Variants in SEMA4D observed in about 807,000 individuals in gnomAD.
The protein encoded by SEMA4D is semaphorin 4D.
Under a neutral mutation model 74.8 loss-of-function variants are expected in SEMA4D, and 22 were observed. That is an observed-to-expected ratio of 0.29 (90% confidence interval 0.21 to 0.42). The LOEUF (loss-of-function observed/expected upper bound fraction) is 0.42, where lower values mean the gene tolerates loss of function less well. SEMA4D is among the 10% of genes least tolerant of loss of function. The pLI, the probability that SEMA4D is intolerant of heterozygous loss-of-function variation, is 1.00. For synonymous variants in SEMA4D, 445 were observed against 463.7 expected (o/e 0.96, Z 0.52); for missense variants, 937 against 1,118.4 (o/e 0.84, Z 2.31).
chr9:89,433,599 C>A (rs1433237758), intron 2 of SEMA4D, among the ~76,000 whole-genome samples: 1 of 152,196 alleles, frequency 6.6e-6, no homozygotes, highest in African/African-American at 2.4e-5. Context: ...TTTCGCTTAA[C>A]CCCCTCTGGG....
chr9:89,439,875 C>T (rs543817039), intron 2 of SEMA4D, among the ~76,000 whole-genome samples: 5 of 152,246 alleles, frequency 3.3e-5, no homozygotes, highest in African/African-American at 9.6e-5. Context: ...GACCCACGAT[C>T]AAGCTCACCG....
intron 2 of SEMA4D, among the ~76,000 whole-genome samples, chr9:89,429,551 G>C (rs1458991199): frequency 6.6e-6 from 1 of 152,214 alleles, no homozygotes; most frequent in Admixed American, 6.5e-5. Context: ...GTGGGCCAAA[G>C]CAAGTTCCTG....
At chr9:89,409,257 G>A (rs1843989956) in intron 2 of SEMA4D, among the ~76,000 whole-genome samples, 1 of 152,220 alleles carries the variant, frequency 6.6e-6, no homozygotes, top group Non-Finnish European at 1.5e-5. Flanking sequence ...AAGATCAGTG[G>A]TTCCCAGGGG....
At chr9:89,461,696 T>TTCC (rs1554781778) in intron 1 of SEMA4D, among the ~76,000 whole-genome samples, 1 of 100,928 alleles carries the variant, frequency 9.9e-6, no homozygotes, top group Non-Finnish European at 2.1e-5. Context: ...TATTTCTTTT[T>TTCC]TCTCTTTTTT....
At chr9:89,494,108 C>T (rs866429286) in intron 1 of SEMA4D, among the ~76,000 whole-genome samples, 35 of 152,094 alleles carry the variant, frequency 2.3e-4, no homozygotes, top group African/African-American at 7.2e-4. Flanking sequence ...GTTATTAAGA[C>T]GTGTAGAAAC....
At chr9:89,457,538 A>G (rs1314262955) in intron 1 of SEMA4D, among the ~76,000 whole-genome samples, 1 of 151,222 alleles carries the variant, frequency 6.6e-6, no homozygotes, top group East Asian at 2.0e-4. Context: ...GAAGTTCAAG[A>G]CCAGCCTGGA....
chr9:89,374,124 C>T (rs1835475751), downstream of SEMA4D, among the ~76,000 whole-genome samples: 3 of 152,206 alleles, frequency 2.0e-5, no homozygotes, highest in South Asian at 6.2e-4. Flanking sequence ...CCAGATGGGG[C>T]CAAATGCCTC....
chr9:89,406,224 T>G (rs991848300), intron 2 of SEMA4D, among the ~76,000 whole-genome samples: 3 of 152,086 alleles, frequency 2.0e-5, no homozygotes, highest in Admixed American at 1.3e-4. Context: ...CACACACACA[T>G]GCACGGATGT....
intron 1 of SEMA4D, among the ~76,000 whole-genome samples, chr9:89,476,698 C>T (rs1861835705): frequency 1.3e-5 from 2 of 152,212 alleles, no homozygotes; most frequent in Admixed American, 1.3e-4. Context: ...CACATGCACA[C>T]ACCCATTAGT....
intron 1 of SEMA4D, among the ~76,000 whole-genome samples, chr9:89,457,479 G>A (rs1179452228): frequency 6.6e-6 from 1 of 152,220 alleles, no homozygotes; most frequent in Non-Finnish European, 1.5e-5. Flanking sequence ...GTTCACGCCT[G>A]TAATCCCAGC....
chr9:89,442,478 T>A (rs986539299), intron 2 of SEMA4D, among the ~76,000 whole-genome samples: 2 of 151,452 alleles, frequency 1.3e-5, no homozygotes, highest in Non-Finnish European at 2.9e-5. Context: ...CAGCAACATG[T>A]CAAAAGAGTG....
chr9:89,390,657 C>T (rs1839661372), intron 9 of SEMA4D, among the ~76,000 whole-genome samples: 1 of 152,224 alleles, frequency 6.6e-6, no homozygotes, highest in Non-Finnish European at 1.5e-5. Flanking sequence ...CCGAGATGAG[C>T]TCCTGGCCAG....
At chr9:89,432,779 G>A (rs1042439937) in intron 2 of SEMA4D, among the ~76,000 whole-genome samples, 2 of 152,218 alleles carry the variant, frequency 1.3e-5, no homozygotes, top group African/African-American at 4.8e-5. Flanking sequence ...GCACTTTGCT[G>A]TGGGAATGCA....
At chr9:89,391,056 G>A (rs1266416663) in intron 9 of SEMA4D, among the ~76,000 whole-genome samples, 1 of 152,244 alleles carries the variant, frequency 6.6e-6, no homozygotes, top group Non-Finnish European at 1.5e-5. Flanking sequence ...CCTGAGAAGA[G>A]GAGGCTAATG....
At chr9:89,453,905 T>A (rs1222667054) in intron 2 of SEMA4D, among the ~76,000 whole-genome samples, 1 of 148,832 alleles carries the variant, frequency 6.7e-6, no homozygotes, top group African/African-American at 2.5e-5. Context: ...TCGCCCAGGC[T>A]GGAGTGCAGT....
At chr9:89,396,212 A>G (rs1266935889) in intron 6 of SEMA4D, among the ~76,000 whole-genome samples, 10 of 152,154 alleles carry the variant, frequency 6.6e-5, no homozygotes, top group Admixed American at 6.5e-4. Context: ...TGCACACCAC[A>G]GCCGACCAGA....
Position 89,491,028 on chromosome 9 carries a change from T to C in SEMA4D, c.-310+6891A>G, listed in dbSNP as rs546634516. 1.3e-4 allele frequency among the ~76,000 whole-genome samples: 20 copies of C among 151,548 alleles called. No homozygotes were observed. The South Asian group carries it at 3.7e-3, about 28-fold the overall frequency. Reference sequence around the variant, plus strand: ...TATCCTGATTATGGTGTCAGTCACATGGCTATCTACATGTGTCAAAACTCA... The same window carrying C: ...TATCCTGATTATGGTGTCAGTCACACGGCTATCTACATGTGTCAAAACTCA... On this transcript the variant is annotated intron_variant, in intron 1 of 15. Transcript: ENST00000422704.
At chr9:89,464,099 G>T (rs1334614089) in intron 1 of SEMA4D, among the ~76,000 whole-genome samples, 1 of 151,688 alleles carries the variant, frequency 6.6e-6, no homozygotes, top group Non-Finnish European at 1.5e-5. Context: ...GTCAAAAATG[G>T]AGAGTGTGAC....
chr9:89,367,493 C>T (rs1164452845), intron 16 of SEMA4D: 1 of 152,296 alleles, frequency 6.6e-6, no homozygotes, highest in African/African-American at 2.4e-5. Flanking sequence ...AGAGGCTGGT[C>T]TGATGCTGTG....
Sources: allele counts gnomAD v4.1 joint callset (sites outside exome capture counted in the v4.1 genomes callset), GRCh38; gene constraint gnomAD v4.1.1; transcripts MANE v1.5; gene names NCBI Gene and HGNC (gene_info 2026-07-23, HGNC 2026-07-21).